Variants in TRPC4AP observed in about 807,000 individuals in gnomAD.
TRPC4AP encodes the protein short transient receptor potential channel 4-associated protein.
A neutral mutation model predicts 99.0 loss-of-function variants in TRPC4AP; 45 were observed. That is an observed-to-expected ratio of 0.45 (90% confidence interval 0.36 to 0.58). The LOEUF (loss-of-function observed/expected upper bound fraction) is 0.58, where lower values mean the gene tolerates loss of function less well. Ranked by LOEUF, TRPC4AP falls within the 20% of genes least tolerant of loss-of-function variation. The probability of loss-of-function intolerance (pLI) is 0.00; values close to 1 mark genes in which losing one functional copy is unlikely to be tolerated. For synonymous variants in TRPC4AP, 408 were observed against 385.8 expected (o/e 1.06, Z -0.67); for missense variants, 879 against 985.3 (o/e 0.89, Z 1.44).
rs189823809 is a variant in TRPC4AP at position 35,078,832 on chromosome 20, G to A, written c.169-658C>T. ...TGTAATCCCAACACTTTGGGAAGCCGAGGCAGGTGGATCACCTGAAGTCAG... is the reference window on the plus strand; with the variant it reads ...TGTAATCCCAACACTTTGGGAAGCCAAGGCAGGTGGATCACCTGAAGTCAG... On this transcript the variant is annotated intron_variant, in intron 1 of 18. Transcript: ENST00000252015. Among the ~76,000 whole-genome samples the A allele has an allele frequency of 2.6e-4, 40 of 152,318 alleles. No individual in the cohort carries two copies. The South Asian group carries it at 4.6e-3, about 17-fold the overall frequency.
intron 8 of TRPC4AP, among the ~76,000 whole-genome samples, 153 bp from the exon 9 acceptor site, chr20:35,021,509 C>A (rs1019847729): frequency 3.3e-5 from 5 of 152,242 alleles, no homozygotes; most frequent in African/African-American, 1.2e-4. Flanking sequence ...ACTCCCTCCA[C>A]AATCCCAGGA....
At chr20:35,003,388 C>T in intron 18 of TRPC4AP, 22 bp downstream of exon 18, 1 of 1,532,630 alleles carries the variant, frequency 6.5e-7, no homozygotes. Flanking sequence ...ACCCATCACC[C>T]CCTTGAGGGT....
intron 14 of TRPC4AP, among the ~76,000 whole-genome samples, chr20:35,007,023 T>C (rs1161886133): frequency 2.0e-5 from 3 of 152,244 alleles, no homozygotes; most frequent in Non-Finnish European, 4.4e-5. Context: ...ATTGTTTAAA[T>C]AGAGTTTACA....
intron 1 of TRPC4AP, among the ~76,000 whole-genome samples, chr20:35,090,298 T>C (rs1347464592): frequency 6.7e-6 from 1 of 150,004 alleles, no homozygotes; most frequent in Non-Finnish European, 1.5e-5. Flanking sequence ...CCCACACCTA[T>C]ATACAACCAT....
chr20:35,052,822 C>T (rs116095487), intron 5 of TRPC4AP, among the ~76,000 whole-genome samples: 128 of 152,190 alleles, frequency 8.4e-4, no homozygotes, highest in African/African-American at 2.6e-3. Context: ...TGAATTCAAA[C>T]ATCTTTAGAC....
At position 35,002,614 on chromosome 20, in the gene TRPC4AP, G is replaced by A. The variant is rs1058003; in HGVS notation, c.*532C>T. The A allele has an allele frequency of 0.6, 104,151 of 174,996 alleles. 32,131 individuals carry two copies. The highest frequency in any genetic ancestry group is 0.73 in the Middle Eastern group (290 of 398). 10.8% of individuals were successfully genotyped at this position (174,996 alleles called of 1,614,324 possible). On this transcript the variant is annotated 3_prime_UTR_variant, in exon 19 of 19. Coordinates refer to ENST00000252015, the MANE Select transcript of TRPC4AP (RefSeq NM_015638.3). Reference sequence around the variant, plus strand: ...GAGAACCCCCTTGGATGAACACAGCGGCCAATGAGCAAACAGAACCAGAGG... The same window carrying A: ...GAGAACCCCCTTGGATGAACACAGCAGCCAATGAGCAAACAGAACCAGAGG...
intron 3 of TRPC4AP, among the ~76,000 whole-genome samples, chr20:35,060,608 A>C (rs1020713488): frequency 4.0e-5 from 6 of 149,506 alleles, no homozygotes; most frequent in African/African-American, 7.5e-5. Flanking sequence ...AAAAAAAAAA[A>C]AACAAGAAAA....
At chr20:35,079,322 T>C (rs118027108) in intron 1 of TRPC4AP, among the ~76,000 whole-genome samples, 4 of 152,292 alleles carry the variant, frequency 2.6e-5, no homozygotes, top group Non-Finnish European at 4.4e-5. Context: ...AATCAACTCT[T>C]ACAGTTAAAA....
At position 35,088,202 on chromosome 20, in the gene TRPC4AP, A is replaced by G. The variant is rs2084940412; in HGVS notation, c.168+4412T>C. Among the ~76,000 whole-genome samples, 3 of 152,206 alleles carry G rather than the reference A, an allele frequency of 2.0e-5. No homozygotes were observed. The South Asian group carries it at 6.2e-4, about 32-fold the overall frequency. ...TTTAAGTGCTTTATATGTACAACTCACTTGGTCCTCACCACAACCTTGGAA... is the reference window on the plus strand; with the variant it reads ...TTTAAGTGCTTTATATGTACAACTCGCTTGGTCCTCACCACAACCTTGGAA... On this transcript the variant is annotated intron_variant, in intron 1 of 18. Coordinates refer to ENST00000252015, the MANE Select transcript of TRPC4AP (RefSeq NM_015638.3).
chr20:35,054,256 A>G (rs747205192), intron 5 of TRPC4AP, among the ~76,000 whole-genome samples: 23 of 151,652 alleles, frequency 1.5e-4, no homozygotes, highest in Admixed American at 9.9e-4. Context: ...TCATTCTGCC[A>G]TGTATTATGA....
chr20:35,065,388 C>T (rs1305774202), intron 3 of TRPC4AP, among the ~76,000 whole-genome samples: 3 of 152,212 alleles, frequency 2.0e-5, no homozygotes, highest in African/African-American at 7.2e-5. Context: ...CACTTAGTTA[C>T]ATACTTCACA....
intron 1 of TRPC4AP, among the ~76,000 whole-genome samples, chr20:35,083,609 CAA>C (rs879777905): frequency 3.7e-5 from 4 of 109,414 alleles, no homozygotes; most frequent in Non-Finnish European, 1.9e-5. Flanking sequence ...GACTCCATCT[CAA>C]AAAAAAAAAA....
intron 4 of TRPC4AP, 78 bp from the exon 5 acceptor site, chr20:35,055,109 T>C (rs1254290169): frequency 7.9e-7 from 1 of 1,259,686 alleles, no homozygotes; most frequent in Non-Finnish European, 1.2e-6. Flanking sequence ...TTTTTCAGCA[T>C]AAGAACTGTT....
intron 12 of TRPC4AP, among the ~76,000 whole-genome samples, 181 bp from the exon 13 acceptor site, chr20:35,008,928 C>T (rs977352670): frequency 6.6e-6 from 1 of 152,310 alleles, no homozygotes; most frequent in East Asian, 1.9e-4. Context: ...AATTAAACTG[C>T]CAAGTGCATT....
chr20:35,054,825 T>C, intron 5 of TRPC4AP, 151 bp downstream of exon 5: 1 of 657,956 alleles, frequency 1.5e-6, no homozygotes, highest in Admixed American at 3.1e-5. Flanking sequence ...TACCAGTTAG[T>C]CCTGATTTTC....
rs776620007 is a variant in TRPC4AP, at chr20:35,080,337, C to CA, written c.169-2164dup. Among the ~76,000 whole-genome samples, 356 of 126,586 alleles carry CA rather than the reference C, an allele frequency of 2.8e-3. 1 individual carries two copies. The highest frequency in any genetic ancestry group is 4.1e-3 in the Middle Eastern group (1 of 246). 83.0% of individuals were successfully genotyped at this position (126,586 alleles called of 152,430 possible). On this transcript the variant is annotated intron_variant, in intron 1 of 18. Coordinates refer to ENST00000252015, the MANE Select transcript of TRPC4AP (RefSeq NM_015638.3). ...GCAACATGGCGAAACCCCACCTCTA[C>CA]AAAAAAAAAAAAAATTAGCCGGATG... is the stretch of plus-strand genomic sequence containing the variant.
At chr20:35,054,648 A>G (rs1382038371) in intron 5 of TRPC4AP, among the ~76,000 whole-genome samples, 4 of 152,150 alleles carry the variant, frequency 2.6e-5, no homozygotes, top group African/African-American at 9.7e-5. Context: ...AAATAGGCAT[A>G]ATGGAGTTAA....
chr20:35,031,992 C>T (rs1409630997), intron 8 of TRPC4AP, among the ~76,000 whole-genome samples: 4 of 152,202 alleles, frequency 2.6e-5, no homozygotes, highest in East Asian at 3.8e-4. Context: ...CGGGTTCAAT[C>T]GATTCTCATG....
At chr20:35,069,231 A>C in intron 3 of TRPC4AP, 65 bp downstream of exon 3, 1 of 944,016 alleles carries the variant, frequency 1.1e-6, no homozygotes, top group South Asian at 1.6e-5. Flanking sequence ...CTCCCATTTC[A>C]AAAGTTAAAT....
Sources: allele counts gnomAD v4.1 joint callset (sites outside exome capture counted in the v4.1 genomes callset), GRCh38; gene constraint gnomAD v4.1.1; transcripts MANE v1.5; gene names NCBI Gene and HGNC (gene_info 2026-07-23, HGNC 2026-07-21).